ACSBG2: variants seen among roughly 807,000 people sequenced by gnomAD.
The protein encoded by ACSBG2 is long-chain-fatty-acid--CoA ligase ACSBG2.
In ACSBG2, 62 loss-of-function variants were observed where a neutral mutation model predicts 74.7. The observed-to-expected ratio is 0.83, with a 90% confidence interval of 0.68 to 1.03. ACSBG2 has a LOEUF of 1.03. ACSBG2 is among the 50% of genes least tolerant of loss of function. The probability of loss-of-function intolerance (pLI) is 0.00; values close to 1 mark genes in which losing one functional copy is unlikely to be tolerated. For synonymous variants in ACSBG2, 309 were observed against 294.1 expected (o/e 1.05, Z -0.52); for missense variants, 730 against 817.6 (o/e 0.89, Z 1.31).
intron 8 of ACSBG2, among the ~76,000 whole-genome samples, chr19:6,178,699 T>A (rs2090158121): frequency 6.6e-6 from 1 of 152,128 alleles, no homozygotes; most frequent in African/African-American, 2.4e-5. Flanking sequence ...TTTTCCTCCA[T>A]CCTTTTGCAC....
Position 6,158,156 on chromosome 19 carries a change from C to T in ACSBG2, c.507+1605C>T, listed in dbSNP as rs543757234. Among the ~76,000 whole-genome samples, 77 of 151,318 alleles carry T rather than the reference C, an allele frequency of 5.1e-4. 1 individual carries two copies. The Middle Eastern group carries it at 0.027, about 53-fold the overall frequency. On this transcript the variant is annotated intron_variant, in intron 5 of 14. Coordinates refer to ENST00000588485, the MANE Select transcript of ACSBG2 (RefSeq NM_030924.5). ...CTGCAACCTCTGCCTCCCAGGTTCA[C>T]GTCATTCTCCTGCCTCAGCCTCCCG...
intron 6 of ACSBG2, 169 bp downstream of exon 6, chr19:6,161,464 G>T: frequency 1.7e-6 from 1 of 578,810 alleles, no homozygotes; most frequent in Non-Finnish European, 3.0e-6. Context: ...GGTGAGGAAA[G>T]GAAGTGGGTG....
rs147009605 is a variant in ACSBG2 at position 6,183,044 on chromosome 19, A to G, written c.1094A>G (p.Tyr365Cys). Residue 365 changes from tyrosine (Y) to cysteine (C), a missense_variant, in exon 10 of 15, where the codon TAT becomes TGT. By Grantham distance (194) the Tyr-to-Cys change is radical (BLOSUM62 -2). Coordinates refer to ENST00000588485, the MANE Select transcript of ACSBG2 (RefSeq NM_030924.5). The stretch of plus-strand genomic sequence containing the variant: ...GACGGCATTCTTATTCACAGGAAAT[A>G]TAATACTCCCGTGAGCTACCGCATG... The part of the protein sequence containing the change: ...KVNSKKMLGK[Y>C]NTPVSYRMAK... The G allele has an allele frequency of 1.1e-4, 172 of 1,614,076 alleles. No homozygotes were observed. The African/African-American group carries it at 2.0e-3, about 19-fold the overall frequency.
chr19:6,157,431 C>T (rs2089462870), intron 5 of ACSBG2, among the ~76,000 whole-genome samples: 2 of 152,124 alleles, frequency 1.3e-5, no homozygotes, highest in South Asian at 2.1e-4. Context: ...GTGGCATGCA[C>T]CTGTAGTCCC....
chr19:6,170,814 T>C (rs2089944703), intron 7 of ACSBG2, among the ~76,000 whole-genome samples: 1 of 152,130 alleles, frequency 6.6e-6, no homozygotes, highest in South Asian at 2.1e-4. Context: ...CTCAATGTTC[T>C]GTCTGTCAGT....
intron 10 of ACSBG2, among the ~76,000 whole-genome samples, chr19:6,184,768 A>G (rs1480033555): frequency 7.2e-6 from 1 of 138,892 alleles, no homozygotes; most frequent in African/African-American, 2.7e-5. Flanking sequence ...TTTCTTTAAA[A>G]TGAGGGTTTT....
intron 11 of ACSBG2, among the ~76,000 whole-genome samples, chr19:6,186,430 GT>G (rs2090410550): frequency 6.6e-6 from 1 of 152,120 alleles, no homozygotes; most frequent in Non-Finnish European, 1.5e-5. Context: ...TTAGCTTTTG[GT>G]TATACAAAAT....
intron 7 of ACSBG2, among the ~76,000 whole-genome samples, chr19:6,170,393 T>C (rs2089932610): frequency 6.6e-6 from 1 of 152,198 alleles, no homozygotes; most frequent in Non-Finnish European, 1.5e-5. Flanking sequence ...TATTGATTTG[T>C]GTATGTTGAA....
At chr19:6,149,838 AGTGCTGGG>A in intron 3 of ACSBG2, among the ~76,000 whole-genome samples, 1 of 142,824 alleles carries the variant, frequency 7.0e-6, no homozygotes, top group African/African-American at 2.9e-5. Context: ...GGCCTCCCAA[AGTGCTGGG>A]ATTACAGGCG....
intron 3 of ACSBG2, 47 bp downstream of exon 3, chr19:6,147,722 A>C (rs758667944): frequency 6.4e-7 from 1 of 1,572,596 alleles, no homozygotes. Context: ...TTCATTCTGA[A>C]TAGGTAACAG....
At chr19:6,150,940 G>A (rs964609835) in intron 3 of ACSBG2, among the ~76,000 whole-genome samples, 3 of 151,608 alleles carry the variant, frequency 2.0e-5, no homozygotes, top group East Asian at 1.9e-4. Context: ...ATGGTGAAAC[G>A]CTGACTCTAC....
intron 1 of ACSBG2, among the ~76,000 whole-genome samples, chr19:6,136,968 T>C (rs1003885926): frequency 1.8e-4 from 27 of 152,324 alleles, no homozygotes; most frequent in Admixed American, 1.6e-3. Context: ...TTTGTAGCCC[T>C]TTCCAGGCTC....
rs77295395 is a variant in ACSBG2 at position 6,177,163 on chromosome 19, A to G, written c.739-66A>G. The stretch of plus-strand genomic sequence containing the variant: ...GTGAGCCCTGTCTGAAAAATAAATA[A>G]AAATTTAAAAATAAAATGGCCCTTC... On this transcript the variant is annotated intron_variant, in intron 7 of 14. Transcript: ENST00000588485. 5.1e-6 allele frequency: 8 copies of G among 1,557,002 alleles called. No individual in the cohort carries two copies. The Admixed American group carries it at 9.6e-5, about 19-fold the overall frequency.
intron 7 of ACSBG2, among the ~76,000 whole-genome samples, chr19:6,170,493 G>T (rs1252211639): frequency 6.6e-6 from 1 of 152,010 alleles, no homozygotes; most frequent in Non-Finnish European, 1.5e-5. Context: ...TCTTTAATTT[G>T]TTTACCCAAA....
intron 13 of ACSBG2, among the ~76,000 whole-genome samples, chr19:6,189,171 G>A (rs771403443): frequency 6.6e-6 from 1 of 152,196 alleles, no homozygotes; most frequent in Non-Finnish European, 1.5e-5. Context: ...TTTCAGGGAT[G>A]GTTTCAGCCC....
chr19:6,140,046 A>G (rs1258399587), intron 1 of ACSBG2, among the ~76,000 whole-genome samples: 1 of 152,044 alleles, frequency 6.6e-6, no homozygotes. Flanking sequence ...ACACGGTGAA[A>G]CCCAGTCTCT....
intron 5 of ACSBG2, 113 bp from the exon 6 acceptor site, chr19:6,161,102 A>G: frequency 1.2e-6 from 1 of 808,458 alleles, no homozygotes; most frequent in Non-Finnish European, 1.9e-6. Flanking sequence ...TGTGTCTCAA[A>G]AAAAAAAAAA....
rs960137774 is a variant in ACSBG2 at position 6,150,426 on chromosome 19, G to A, written c.298-1281G>A. The stretch of plus-strand genomic sequence containing the variant: ...ATAGCGGCGTTATTCACAAGAGACA[G>A]AGGGTGGAAGCAGCCCGTGTGTCCA... On this transcript the variant is annotated intron_variant, in intron 3 of 14. Coordinates refer to ENST00000588485, the MANE Select transcript of ACSBG2 (RefSeq NM_030924.5). Among the ~76,000 whole-genome samples the A allele has an allele frequency of 2.6e-5, 4 of 151,852 alleles. No homozygotes were observed. In the South Asian group the frequency reaches 8.3e-4, roughly 31 times the overall value.
At chr19:6,158,584 A>G (rs1351087712) in intron 5 of ACSBG2, among the ~76,000 whole-genome samples, 1 of 151,942 alleles carries the variant, frequency 6.6e-6, no homozygotes, top group Non-Finnish European at 1.5e-5. Context: ...GGGAGGGGTG[A>G]GCCTAGATGG....
Sources: gnomAD v4.1 joint callset for allele counts (sites outside exome capture counted in the v4.1 genomes callset) on GRCh38, gnomAD v4.1.1 for gene constraint, MANE v1.5 for transcripts, NCBI Gene and HGNC (gene_info 2026-07-23, HGNC 2026-07-21) for gene names.